The following SLC35D4 variants were observed in gnomAD, a reference collection of about 807,000 sequenced individuals.
The protein encoded by SLC35D4 is UDP-N-acetylglucosamine transporter SLC35D4.
At chr18:23,400,929 G>T in the SLC35D4 span, among the ~76,000 whole-genome samples, 1 of 152,172 alleles carries the variant, frequency 6.6e-6, no homozygotes, top group African/African-American at 2.4e-5. Context: ...TAAACTCATT[G>T]TGCAAATACT....
At chr18:23,349,505 C>T in the SLC35D4 span, among the ~76,000 whole-genome samples, 1 of 152,208 alleles carries the variant, frequency 6.6e-6, no homozygotes, top group Non-Finnish European at 1.5e-5. Context: ...GTGGCACGCA[C>T]CTGTAGTCCC....
the SLC35D4 span, chr18:23,352,222 A>G: frequency 1.9e-6 from 3 of 1,612,550 alleles, no homozygotes; most frequent in Admixed American, 1.7e-5. Flanking sequence ...CAGGCTGCAC[A>G]CTGCCCTGGG....
At chr18:23,393,992 A>T in the SLC35D4 span, among the ~76,000 whole-genome samples, 1 of 152,202 alleles carries the variant, frequency 6.6e-6, no homozygotes, top group South Asian at 2.1e-4. Flanking sequence ...CCTTTTGTCT[A>T]TTGTGAATAA....
chr18:23,330,547 GA>G, the SLC35D4 span, among the ~76,000 whole-genome samples: 1 of 152,082 alleles, frequency 6.6e-6, no homozygotes, highest in South Asian at 2.1e-4. Flanking sequence ...CTCTGACCAG[GA>G]AACCACGCCA....
chr18:23,305,723 C>T, the SLC35D4 span, among the ~76,000 whole-genome samples: 2 of 152,288 alleles, frequency 1.3e-5, no homozygotes, highest in Middle Eastern at 3.4e-3. Context: ...CCCACTGGCG[C>T]TCCTGAGAAA....
the SLC35D4 span, among the ~76,000 whole-genome samples, chr18:23,277,948 T>C: frequency 3.3e-5 from 5 of 152,122 alleles, no homozygotes; most frequent in Non-Finnish European, 7.4e-5. Flanking sequence ...ATGTGGAATA[T>C]ACAACACTTC....
At chr18:23,285,993 C>T in the SLC35D4 span, among the ~76,000 whole-genome samples, 11 of 152,068 alleles carry the variant, frequency 7.2e-5, no homozygotes, top group Admixed American at 3.3e-4. Flanking sequence ...AACCCTGAGA[C>T]GCTTTACAGC....
the SLC35D4 span, among the ~76,000 whole-genome samples, chr18:23,338,710 A>G: frequency 6.6e-6 from 1 of 151,940 alleles, no homozygotes; most frequent in African/African-American, 2.4e-5. Context: ...AGGTTCTAGC[A>G]TTTTCTAATT....
At chr18:23,256,157 G>A in the SLC35D4 span, among the ~76,000 whole-genome samples, 1 of 152,224 alleles carries the variant, frequency 6.6e-6, no homozygotes, top group Non-Finnish European at 1.5e-5. Context: ...TGCTCTGTGG[G>A]TAGGATTTAT....
At chr18:23,316,425 C>A in the SLC35D4 span, among the ~76,000 whole-genome samples, 1 of 152,170 alleles carries the variant, frequency 6.6e-6, no homozygotes, top group Admixed American at 6.5e-5. Context: ...AAATCACAGC[C>A]TATACTCATA....
chr18:23,313,534 G>A, the SLC35D4 span, among the ~76,000 whole-genome samples: 1 of 152,108 alleles, frequency 6.6e-6, no homozygotes, highest in African/African-American at 2.4e-5. Flanking sequence ...AGGATGATCA[G>A]TAATTCTACT....
At chr18:23,266,309 T>C in the SLC35D4 span, among the ~76,000 whole-genome samples, 15 of 148,650 alleles carry the variant, frequency 1.0e-4, no homozygotes, top group African/African-American at 3.8e-4. Context: ...CTCTGGAAGA[T>C]GGCACAGTAA....
chr18:23,364,334 A>T, the SLC35D4 span, among the ~76,000 whole-genome samples: 1 of 152,240 alleles, frequency 6.6e-6, no homozygotes, highest in African/African-American at 2.4e-5. Flanking sequence ...AAAAACAAAA[A>T]CAAAAATCTA....
At chr18:23,333,159 A>C in the SLC35D4 span, among the ~76,000 whole-genome samples, 1 of 152,250 alleles carries the variant, frequency 6.6e-6, no homozygotes, top group Non-Finnish European at 1.5e-5. Context: ...AAACATTCTT[A>C]AAAAAGCCCA....
At chr18:23,382,666 C>T in the SLC35D4 span, among the ~76,000 whole-genome samples, 65 of 152,296 alleles carry the variant, frequency 4.3e-4, no homozygotes, top group African/African-American at 1.3e-3. Flanking sequence ...TTAGAACTGA[C>T]GGACTATGGA....
At chr18:23,245,677 C>T in the SLC35D4 span, among the ~76,000 whole-genome samples, 2 of 152,322 alleles carry the variant, frequency 1.3e-5, no homozygotes, top group African/African-American at 4.8e-5. Context: ...CCAGGCAGGG[C>T]CTCCTTGTGA....
the SLC35D4 span, among the ~76,000 whole-genome samples, chr18:23,284,671 A>C: frequency 6.6e-6 from 1 of 152,170 alleles, no homozygotes; most frequent in African/African-American, 2.4e-5. Context: ...AGTCACTCAT[A>C]TTGACTCAGA....
the SLC35D4 span, among the ~76,000 whole-genome samples, chr18:23,390,725 G>A: frequency 2.0e-5 from 3 of 152,170 alleles, no homozygotes; most frequent in South Asian, 2.1e-4. Context: ...AGGTGTGAAC[G>A]ACTCCCCTAT....
the SLC35D4 span, among the ~76,000 whole-genome samples, chr18:23,355,350 G>A: frequency 2.0e-5 from 3 of 152,130 alleles, no homozygotes; most frequent in African/African-American, 7.2e-5. Context: ...ACCAAACAAT[G>A]GTTGACCTCC....
Sources: gnomAD v4.1 joint callset for allele counts (sites outside exome capture counted in the v4.1 genomes callset) on GRCh38, gnomAD v4.1.1 for gene constraint, MANE v1.5 for transcripts, NCBI Gene and HGNC (gene_info 2026-07-23, HGNC 2026-07-21) for gene names.